CCDC170: variants seen among roughly 807,000 people sequenced by gnomAD.
CCDC170 encodes the protein coiled-coil domain-containing protein 170.
CCDC170 carries 69 observed loss-of-function variants against 72.6 expected under a neutral mutation model. The ratio of observed to expected loss-of-function variants is 0.95; its 90% CI spans 0.78 to 1.16. CCDC170 has a LOEUF of 1.16. Ranked by LOEUF, CCDC170 falls within the 50% of genes most tolerant of loss-of-function variation. The pLI, the probability that CCDC170 is intolerant of heterozygous loss-of-function variation, is 0.00. For synonymous variants in CCDC170, 300 were observed against 303.9 expected (o/e 0.99, Z 0.13); for missense variants, 852 against 832.5 (o/e 1.02, Z -0.29).
chr6:151,562,426 A>G (rs899638204), intron 5 of CCDC170, among the ~76,000 whole-genome samples: 3 of 152,024 alleles, frequency 2.0e-5, no homozygotes, highest in Non-Finnish European at 4.4e-5. Context: ...GCTGTGATAT[A>G]TATTATGTGT....
At chr6:151,564,798 G>A (rs1776104001) in intron 5 of CCDC170, among the ~76,000 whole-genome samples, 1 of 152,178 alleles carries the variant, frequency 6.6e-6, no homozygotes, top group South Asian at 2.1e-4. Context: ...GGTGGGGGTA[G>A]GGGCAGAGCA....
intron 7 of CCDC170, among the ~76,000 whole-genome samples, chr6:151,591,464 G>T (rs957300272): frequency 5.9e-5 from 9 of 151,782 alleles, no homozygotes; most frequent in South Asian, 4.2e-4. Flanking sequence ...GCTGTTTTAG[G>T]GGGGAGGTGT....
chr6:151,540,108 G>A (rs1425140937), intron 3 of CCDC170, among the ~76,000 whole-genome samples: 1 of 152,048 alleles, frequency 6.6e-6, no homozygotes, highest in African/African-American at 2.4e-5. Context: ...GTCTTAGTTG[G>A]TTTGGGCTGC....
At chr6:151,602,092 T>C (rs1390114083) in intron 9 of CCDC170, among the ~76,000 whole-genome samples, 1 of 152,336 alleles carries the variant, frequency 6.6e-6, no homozygotes, top group Middle Eastern at 3.4e-3. Flanking sequence ...AAAACCATGA[T>C]TGAAGACCTT....
intron 6 of CCDC170, among the ~76,000 whole-genome samples, chr6:151,584,783 C>T (rs1776429102): frequency 6.6e-6 from 1 of 152,018 alleles, no homozygotes; most frequent in South Asian, 2.1e-4. Context: ...TTTTGTTCTC[C>T]CATATAATAG....
chr6:151,607,822 T>C (rs1240561134), intron 9 of CCDC170, among the ~76,000 whole-genome samples: 1 of 152,206 alleles, frequency 6.6e-6, no homozygotes, highest in African/African-American at 2.4e-5. Context: ...AGAGAGGTTT[T>C]TTGGGTTGAA....
chr6:151,555,745 C>T (rs1339213431), intron 5 of CCDC170, among the ~76,000 whole-genome samples: 4 of 152,146 alleles, frequency 2.6e-5, no homozygotes, highest in East Asian at 1.9e-4. Flanking sequence ...AATGAAAATC[C>T]GTTTTCTTAT....
rs142846798 is a variant in CCDC170 at position 151,510,400 on chromosome 6, A to G, written c.57+16215A>G. ...TTATTACAGTAAAAACTGAAGAAAA[A>G]GGCAAAACAAAGCATTTTAATGTTT... On this transcript the variant is annotated intron_variant, in intron 1 of 10. Transcript: ENST00000239374. Among the ~76,000 whole-genome samples, 700 of 152,340 alleles carry G rather than the reference A, an allele frequency of 4.6e-3. 10 individuals are homozygous for G. Among genetic ancestry groups the G allele is most frequent in the African/African-American group, 0.016 (676 of 41,572 alleles).
At position 151,536,324 on chromosome 6, in the gene CCDC170, T is replaced by TA. The variant is rs746600992; in HGVS notation, c.65dup (p.Tyr22Ter). 5.6e-6 allele frequency: 9 copies of TA among 1,613,396 alleles called. No homozygotes were observed. Among genetic ancestry groups the TA allele is most frequent in the South Asian group, 5.5e-5 (5 of 91,078 alleles). ...GAASPAPEET[Y>*]DHLSEVPVTR... Reference sequence around the variant, plus strand: ...TTTGGGGGAATTCTACCAGGAAACTTACGATCATCTTTCGGAAGTCCCGGT... The same window carrying TA: ...TTTGGGGGAATTCTACCAGGAAACTTAACGATCATCTTTCGGAAGTCCCGGT... The change falls in exon 2 of 11, where the codon TAC becomes TAAC. Residue 22 changes from tyrosine to a stop codon, truncating the protein, a stop_gained and frameshift_variant. Transcript: ENST00000239374. LOFTEE classifies it high-confidence loss of function.
chr6:151,602,802 C>CTTTCT (rs1554226545), intron 9 of CCDC170, among the ~76,000 whole-genome samples: 7 of 141,342 alleles, frequency 5.0e-5, no homozygotes, highest in African/African-American at 1.8e-4. Context: ...ATATTTCTTT[C>CTTTCT]TTTTTTTTTT....
intron 5 of CCDC170, among the ~76,000 whole-genome samples, chr6:151,568,659 A>G (rs949576158): frequency 5.9e-5 from 9 of 152,196 alleles, no homozygotes; most frequent in Admixed American, 3.3e-4. Context: ...TACAAATGGT[A>G]CTATACTATG....
intron 9 of CCDC170, among the ~76,000 whole-genome samples, chr6:151,604,235 A>G (rs1011444647): frequency 6.6e-6 from 1 of 152,146 alleles, no homozygotes; most frequent in Non-Finnish European, 1.5e-5. Context: ...AACTTTCTCC[A>G]ACCCAACGAG....
chr6:151,504,868 G>A (rs899002132), intron 1 of CCDC170, among the ~76,000 whole-genome samples: 3 of 152,022 alleles, frequency 2.0e-5, no homozygotes, highest in East Asian at 1.9e-4. Flanking sequence ...AGAGAGCGTC[G>A]AGGACAGAAC....
intron 1 of CCDC170, among the ~76,000 whole-genome samples, chr6:151,527,653 A>C (rs1782431046): frequency 6.6e-6 from 1 of 152,032 alleles, no homozygotes; most frequent in African/African-American, 2.4e-5. Flanking sequence ...GCACCACTGG[A>C]AGCTTGGTGG....
intron 1 of CCDC170, among the ~76,000 whole-genome samples, chr6:151,522,155 C>T (rs1583008115): frequency 6.6e-6 from 1 of 151,120 alleles, no homozygotes; most frequent in African/African-American, 2.4e-5. Flanking sequence ...AGTGAAATTC[C>T]ATGTCAAAAA....
At chr6:151,533,326 T>C (rs1360115307) in intron 1 of CCDC170, among the ~76,000 whole-genome samples, 2 of 151,520 alleles carry the variant, frequency 1.3e-5, no homozygotes, top group Admixed American at 1.3e-4. Flanking sequence ...AGTGCTGGGA[T>C]TACAGGTGTG....
At chr6:151,564,435 G>A (rs966658849) in intron 5 of CCDC170, among the ~76,000 whole-genome samples, 10 of 152,258 alleles carry the variant, frequency 6.6e-5, no homozygotes, top group African/African-American at 2.4e-4. Flanking sequence ...CCGCAGGGTG[G>A]CATTTGCTGG....
intron 9 of CCDC170, among the ~76,000 whole-genome samples, chr6:151,607,560 G>A (rs771420541): frequency 8.6e-5 from 13 of 152,044 alleles, no homozygotes; most frequent in Non-Finnish European, 1.9e-4. Context: ...GTCTAAGGGT[G>A]TTGAGTTCCC....
At position 151,577,184 on chromosome 6, in the gene CCDC170, G is replaced by A. The variant is rs570984337; in HGVS notation, c.1092+3693G>A. On this transcript the variant is annotated intron_variant, in intron 6 of 10. Transcript: ENST00000239374. ...TTGGACTGGATAATTTTTTGCTCTGGGGGCCAGTCCTGTGCATTGCAGGAT... is the reference window on the plus strand; with the variant it reads ...TTGGACTGGATAATTTTTTGCTCTGAGGGCCAGTCCTGTGCATTGCAGGAT... 2.0e-5 allele frequency among the ~76,000 whole-genome samples: 3 copies of A among 152,128 alleles called. No homozygotes were observed. In the South Asian group the frequency reaches 6.2e-4, roughly 32 times the overall value.
Sources: gnomAD v4.1 joint callset for allele counts (sites outside exome capture counted in the v4.1 genomes callset) on GRCh38, gnomAD v4.1.1 for gene constraint, MANE v1.5 for transcripts, NCBI Gene and HGNC (gene_info 2026-07-23, HGNC 2026-07-21) for gene names.